OSBPL9: variants seen among roughly 807,000 people sequenced by gnomAD.
OSBPL9 encodes oxysterol binding protein like 9.
A neutral mutation model predicts 106.6 loss-of-function variants in OSBPL9; 40 were observed. The ratio of observed to expected loss-of-function variants is 0.38; its 90% confidence interval spans 0.29 to 0.49. The LOEUF (loss-of-function observed/expected upper bound fraction) is 0.49. OSBPL9 is among the 20% of genes least tolerant of loss of function. The pLI, the probability that OSBPL9 is intolerant of heterozygous loss-of-function variation, is 0.97. For missense variants in OSBPL9, 609 were observed against 887.2 expected (o/e 0.69, Z 3.98); for synonymous variants, 269 against 295.4 (o/e 0.91, Z 0.92).
Position 51,659,599 on chromosome 1 carries a change from G to C in OSBPL9, c.162+7558G>C, listed in dbSNP as rs1482133025. ...AGAGAGCATAAACCAACTGAACTGT[G>C]ATTCTGTGAAAAAAGTAATAAAATA... On this transcript the variant is annotated intron_variant, in intron 2 of 23. Coordinates refer to ENST00000428468, the MANE Select transcript of OSBPL9 (RefSeq NM_024586.6). Among the ~76,000 whole-genome samples the C allele has an allele frequency of 2.0e-5, 3 of 151,806 alleles. No individual in the cohort carries two copies. In the East Asian group the frequency reaches 5.8e-4, roughly 29 times the overall value.
rs1454947251 is a variant in OSBPL9 at position 51,729,831 on chromosome 1, G to T, written c.319-15705G>T. 4 of 1,244,818 alleles carry T rather than the reference G, an allele frequency of 3.2e-6. No homozygotes were observed. Among genetic ancestry groups the T allele is most frequent in the Non-Finnish European group, 4.1e-6 (4 of 987,484 alleles). 77.1% of individuals were successfully genotyped at this position (1,244,818 alleles called of 1,614,324 possible). The stretch of plus-strand genomic sequence containing the variant: ...GTGGGGGGTGAAGGGGGTGAAGGGG[G>T]TGTCCCGGGGGACGGGCTGAACCTC... On this transcript the variant is annotated intron_variant, in intron 4 of 23. Coordinates refer to ENST00000428468, the MANE Select transcript of OSBPL9 (RefSeq NM_024586.6). The surrounding 1 kb of genome is among the most constrained non-coding windows in gnomAD (Gnocchi z 5.1).
At chr1:51,564,979 A>G in the OSBPL9 span, among the ~76,000 whole-genome samples, 2 of 152,090 alleles carry the variant, frequency 1.3e-5, no homozygotes, top group African/African-American at 2.4e-5. Context: ...TTATTTTTCC[A>G]TGGTGCTGAA....
intron 8 of OSBPL9, among the ~76,000 whole-genome samples, chr1:51,750,603 T>C (rs769163194): frequency 1.6e-4 from 25 of 152,310 alleles, no homozygotes; most frequent in Non-Finnish European, 4.4e-5. Context: ...TTTTTTCTGG[T>C]AGTGAACTAC....
chr1:51,555,953 G>T, the OSBPL9 span, among the ~76,000 whole-genome samples: 1 of 152,096 alleles, frequency 6.6e-6, no homozygotes, highest in Admixed American at 6.5e-5. Context: ...GGAAGGAAAA[G>T]ATTAATGAAA....
At chr1:51,783,806 T>C (rs752477046) in intron 17 of OSBPL9, 109 bp from the exon 18 acceptor site, 14 of 783,994 alleles carry the variant, frequency 1.8e-5, no homozygotes, top group South Asian at 3.4e-5. Flanking sequence ...TGGAGGCTGT[T>C]TGAAGGGTAA....
At chr1:51,567,346 C>T in the OSBPL9 span, 2 of 152,238 alleles carry the variant, frequency 1.3e-5, no homozygotes, top group Admixed American at 6.5e-5. Flanking sequence ...AGGCCCAAAA[C>T]AGAGTTAGTA....
chr1:51,651,810 A>G (rs958488211), intron 1 of OSBPL9, among the ~76,000 whole-genome samples, 181 bp from the exon 2 acceptor site: 2 of 152,320 alleles, frequency 1.3e-5, no homozygotes, highest in African/African-American at 2.4e-5. Flanking sequence ...TATAGACTGT[A>G]TGACATTTTC....
chr1:51,579,334 A>G lies in OSBPL9; in HGVS notation c.-423+2078A>G, dbSNP rs1645205985. Among the ~76,000 whole-genome samples, 4 of 152,352 alleles carry G rather than the reference A, an allele frequency of 2.6e-5. No homozygotes were observed. In the Middle Eastern group the frequency reaches 0.01, roughly 389 times the overall value. On this transcript the variant is annotated intron_variant, in intron 1 of 25. Coordinates refer to the OSBPL9 transcript ENST00000371714. ...AATCTGTGCGTATGTGTATATGTAT[A>G]CAAAGATATACATAGGTAAAGAGAT...
chr1:51,724,841 T>C, intron 4 of OSBPL9: 1 of 266,370 alleles, frequency 3.8e-6, no homozygotes, highest in Admixed American at 3.7e-5. Flanking sequence ...TATGGAGACT[T>C]CCTTTACCCT....
intron 2 of OSBPL9, among the ~76,000 whole-genome samples, chr1:51,656,296 T>C (rs1646810546): frequency 6.6e-6 from 1 of 152,208 alleles, no homozygotes; most frequent in Non-Finnish European, 1.5e-5. Context: ...ACAACGATGA[T>C]GATGATGATG....
chr1:51,539,341 C>G, the OSBPL9 span, among the ~76,000 whole-genome samples: 1 of 152,156 alleles, frequency 6.6e-6, no homozygotes, highest in African/African-American at 2.4e-5. Flanking sequence ...TCCAGTCCAT[C>G]TGCAAAATAT....
At chr1:51,725,814 T>TC (rs1287041991) in intron 4 of OSBPL9, among the ~76,000 whole-genome samples, 2 of 152,086 alleles carry the variant, frequency 1.3e-5, no homozygotes, top group Admixed American at 6.5e-5. Flanking sequence ...ACTGTGGTTC[T>TC]CCCCCCTGCC....
chr1:51,597,280 T>C (rs995240178), intron 1 of OSBPL9, among the ~76,000 whole-genome samples: 40 of 152,096 alleles, frequency 2.6e-4, no homozygotes, highest in Non-Finnish European at 1.3e-4. Flanking sequence ...ATCAGAATTA[T>C]ATTTTTAAAA....
chr1:51,524,113 A>G, the OSBPL9 span, among the ~76,000 whole-genome samples: 23 of 152,224 alleles, frequency 1.5e-4, no homozygotes, highest in African/African-American at 5.3e-4. Flanking sequence ...ATAGTCCATC[A>G]TTGTTCGCGT....
At chr1:51,567,109 G>T in the OSBPL9 span, 1 of 152,108 alleles carries the variant, frequency 6.6e-6, no homozygotes, top group Non-Finnish European at 1.5e-5. Context: ...CCCTAAAATT[G>T]TCTTATCACT....
intron 1 of OSBPL9, among the ~76,000 whole-genome samples, chr1:51,587,659 TCTC>T (rs1645253286): frequency 6.6e-6 from 1 of 152,222 alleles, no homozygotes; most frequent in Non-Finnish European, 1.5e-5. Context: ...TGCTCGCTCT[TCTC>T]AACCCCCTTG....
the OSBPL9 span, among the ~76,000 whole-genome samples, chr1:51,551,236 T>A: frequency 2.6e-5 from 4 of 152,216 alleles, no homozygotes; most frequent in Non-Finnish European, 5.9e-5. Context: ...CAGTTCACCC[T>A]TCTGGTCAAC....
At chr1:51,705,397 ATATTTTTTTTTTT>A (rs1658281484) in intron 3 of OSBPL9, among the ~76,000 whole-genome samples, 2 of 52,032 alleles carry the variant, frequency 3.8e-5, no homozygotes, top group Admixed American at 2.8e-4. Context: ...ATATATATAT[ATATTTTTTTTTTT>A]TTTTTTTTTT....
chr1:51,741,980 C>T (rs1282681130), intron 4 of OSBPL9, among the ~76,000 whole-genome samples: 1 of 152,044 alleles, frequency 6.6e-6, no homozygotes, highest in African/African-American at 2.4e-5. Context: ...AGAAAGACAA[C>T]ATGGAGAAAA....
Sources: allele counts gnomAD v4.1 joint callset (sites outside exome capture counted in the v4.1 genomes callset), GRCh38; gene constraint gnomAD v4.1.1; non-coding constraint Gnocchi (gnomAD v3.1); transcripts MANE v1.5; gene names NCBI Gene and HGNC (gene_info 2026-07-23, HGNC 2026-07-21).